Variants in ADGRL3 observed in about 807,000 individuals in gnomAD.
ADGRL3 encodes adhesion G protein-coupled receptor L3.
In ADGRL3, 62 loss-of-function variants were observed where a neutral mutation model predicts 153.5. That is an observed-to-expected ratio of 0.40 (90% confidence interval 0.33 to 0.50). ADGRL3 has a LOEUF of 0.50. ADGRL3 is among the 20% of genes least tolerant of loss of function. The pLI, the probability that ADGRL3 is intolerant of heterozygous loss-of-function variation, is 0.47. For missense variants in ADGRL3, 1,641 were observed against 1,859.4 expected (o/e 0.88, Z 2.16); for synonymous variants, 710 against 672.5 (o/e 1.06, Z -0.86).
In ADGRL3 at chr4:61,970,752, G is replaced by A. The variant is rs538916853; in HGVS notation, c.2806-8811G>A. On this transcript the variant is annotated intron_variant, in intron 17 of 26. Transcript: ENST00000683033. Reference sequence around the variant, plus strand: ...GTTAATTTGCCCTAAAAAGAAGTAAGAAATATAATAATATTGTCCTTCTTA... The same window carrying A: ...GTTAATTTGCCCTAAAAAGAAGTAAAAAATATAATAATATTGTCCTTCTTA... 5.9e-5 allele frequency among the ~76,000 whole-genome samples: 9 copies of A among 152,234 alleles called. No individual in the cohort carries two copies. In the South Asian group the frequency reaches 1.9e-3, roughly 32 times the overall value.
intron 1 of ADGRL3, among the ~76,000 whole-genome samples, chr4:61,288,492 C>T (rs545321821): frequency 4.6e-5 from 7 of 151,960 alleles, no homozygotes; most frequent in East Asian, 3.9e-4. Context: ...CAGGTCTTGA[C>T]GTAACAACAC....
chr4:61,361,411 C>T (rs1232709973), intron 1 of ADGRL3, among the ~76,000 whole-genome samples: 1 of 151,918 alleles, frequency 6.6e-6, no homozygotes, highest in African/African-American at 2.4e-5. Context: ...TTGAGTTGAG[C>T]CTTAAAGTAT....
intron 4 of ADGRL3, among the ~76,000 whole-genome samples, chr4:61,555,065 C>T (rs1007211566): frequency 1.3e-5 from 2 of 152,128 alleles, no homozygotes; most frequent in Non-Finnish European, 2.9e-5. Context: ...GGAGAGAACA[C>T]CTTTACCCAT....
intron 1 of ADGRL3, among the ~76,000 whole-genome samples, chr4:61,355,807 A>G (rs2096153994): frequency 2.0e-5 from 3 of 152,078 alleles, no homozygotes; most frequent in Admixed American, 2.0e-4. Context: ...TTTTTCAATA[A>G]GTGTTGAATA....
chr4:61,976,035 C>T (rs1174286399), intron 17 of ADGRL3, among the ~76,000 whole-genome samples: 1 of 151,952 alleles, frequency 6.6e-6, no homozygotes, highest in Non-Finnish European at 1.5e-5. Context: ...AAGCATTTAG[C>T]CTAATAGAAG....
intron 23 of ADGRL3, among the ~76,000 whole-genome samples, chr4:62,032,549 A>T (rs942394252): frequency 6.6e-6 from 1 of 151,774 alleles, no homozygotes; most frequent in African/African-American, 2.4e-5. Flanking sequence ...TAATTTAAAA[A>T]TATTCAAAGA....
chr4:61,714,335 T>C (rs1209856514), intron 6 of ADGRL3, among the ~76,000 whole-genome samples: 2 of 151,478 alleles, frequency 1.3e-5, no homozygotes, highest in African/African-American at 2.4e-5. Context: ...ATGGTGAATG[T>C]ATTGTATTGT....
intron 1 of ADGRL3, among the ~76,000 whole-genome samples, chr4:61,377,572 T>C (rs2096618669): frequency 1.3e-5 from 2 of 152,088 alleles, no homozygotes; most frequent in South Asian, 4.1e-4. Context: ...ATGAAAATGC[T>C]ACCAGATAGA....
At chr4:61,645,889 T>C (rs2093954580) in intron 5 of ADGRL3, among the ~76,000 whole-genome samples, 1 of 152,200 alleles carries the variant, frequency 6.6e-6, no homozygotes, top group African/African-American at 2.4e-5. Context: ...GTTTTCCAAC[T>C]TGGTTCCATT....
chr4:61,875,788 A>G (rs1006402140), intron 9 of ADGRL3, among the ~76,000 whole-genome samples: 1 of 152,248 alleles, frequency 6.6e-6, no homozygotes. Context: ...ACTGTAAGGC[A>G]TATTCTGTGG....
At chr4:61,900,087 G>A (rs7437338) in intron 11 of ADGRL3, among the ~76,000 whole-genome samples, 7,664 of 152,152 alleles carry the variant, frequency 0.05, 311 homozygotes, top group East Asian at 0.18. Flanking sequence ...CTTGATAGTT[G>A]AGTTATGGTG....
intron 2 of ADGRL3, among the ~76,000 whole-genome samples, chr4:61,389,754 T>A (rs1358611235): frequency 1.3e-5 from 2 of 152,162 alleles, no homozygotes; most frequent in Admixed American, 6.5e-5. Flanking sequence ...ATTCCTCTCT[T>A]GGAGATATCG....
At chr4:61,879,555 G>C (rs981241893) in intron 9 of ADGRL3, among the ~76,000 whole-genome samples, 1 of 151,946 alleles carries the variant, frequency 6.6e-6, no homozygotes, top group African/African-American at 2.4e-5. Context: ...TTTTCATGTT[G>C]GCACTTAAAA....
rs747197228 is a variant in ADGRL3 at position 61,979,668 on chromosome 4, C to T, written c.2911C>T (p.Arg971Trp). 63 of 1,613,670 alleles carry T rather than the reference C, an allele frequency of 3.9e-5. No individual in the cohort carries two copies. The highest frequency in any genetic ancestry group is 4.7e-5 in the Non-Finnish European group (56 of 1,179,862). ...TTGCATCTTCACATTTTGCTTTTTC[C>T]GGGGGCTCCAGAGTGACCGTAACAC... ...LICIFTFCFF[R>W]GLQSDRNTIH... is the part of the protein sequence containing the mutation. The change falls in exon 18 of 27, where the codon CGG becomes TGG. Residue 971 changes from arginine to tryptophan, a missense_variant. Arg to Trp is a moderately radical substitution (Grantham distance 101). Around this residue, in one of 5 missense-constraint regions of ADGRL3, gnomAD observed 734 missense variants for 797.0 expected, o/e 0.92. Coordinates refer to ENST00000683033, the MANE Select transcript of ADGRL3 (RefSeq NM_001387552.1).
At chr4:61,527,102 A>C (rs2098568355) in intron 4 of ADGRL3, among the ~76,000 whole-genome samples, 1 of 152,080 alleles carries the variant, frequency 6.6e-6, no homozygotes, top group Non-Finnish European at 1.5e-5. Context: ...CCAAGAAGTA[A>C]ATACATTAGT....
intron 8 of ADGRL3, among the ~76,000 whole-genome samples, chr4:61,749,923 G>A (rs980334063): frequency 2.0e-5 from 3 of 151,894 alleles, no homozygotes; most frequent in East Asian, 1.9e-4. Flanking sequence ...TGGAATTCAG[G>A]CACACAGATC....
intron 8 of ADGRL3, among the ~76,000 whole-genome samples, chr4:61,781,807 T>C (rs1367645336): frequency 2.0e-5 from 3 of 152,174 alleles, no homozygotes; most frequent in African/African-American, 7.2e-5. Flanking sequence ...TATGAATCCG[T>C]TTCTTGTTTC....
At chr4:61,368,599 G>A (rs2096456686) in intron 1 of ADGRL3, among the ~76,000 whole-genome samples, 1 of 151,512 alleles carries the variant, frequency 6.6e-6, no homozygotes, top group South Asian at 2.1e-4. Context: ...TCTCTGTTTT[G>A]GTACCAGTAC....
intron 5 of ADGRL3, among the ~76,000 whole-genome samples, chr4:61,609,730 G>A (rs2149662550): frequency 6.6e-6 from 1 of 152,096 alleles, no homozygotes; most frequent in African/African-American, 2.4e-5. Context: ...CACGCCCTGT[G>A]TTATTTTCAA....
Sources: gnomAD v4.1 joint callset for allele counts (sites outside exome capture counted in the v4.1 genomes callset) on GRCh38, gnomAD v4.1.1 for gene constraint, gnomAD v4.1.1 regional missense constraint, MANE v1.5 for transcripts, NCBI Gene and HGNC (gene_info 2026-07-23, HGNC 2026-07-21) for gene names.